The following GCSAML variants were observed in gnomAD, a reference collection of about 807,000 sequenced individuals.
GCSAML encodes the protein germinal center associated signaling and motility like.
In GCSAML, 9 loss-of-function variants were observed where a neutral mutation model predicts 13.0. The ratio of observed to expected loss-of-function variants is 0.69; its 90% CI spans 0.42 to 1.21. The LOEUF (loss-of-function observed/expected upper bound fraction) is 1.21, where lower values mean the gene tolerates loss of function less well. GCSAML is among the 50% of genes most tolerant of loss of function. The probability of loss-of-function intolerance (pLI) is 0.00; values close to 1 mark genes in which losing one functional copy is unlikely to be tolerated. For synonymous variants in GCSAML, 37 were observed against 52.9 expected (o/e 0.70, Z 1.31); for missense variants, 143 against 153.4 (o/e 0.93, Z 0.36).
At chr1:247,564,886 A>G (rs1472094207) in intron 3 of GCSAML, among the ~76,000 whole-genome samples, 1 of 152,210 alleles carries the variant, frequency 6.6e-6, no homozygotes, top group Non-Finnish European at 1.5e-5. Flanking sequence ...TTAAAGACCC[A>G]AACGTAAAAC....
At chr1:247,538,710 G>T in intron 2 of GCSAML, 3 of 455,952 alleles carry the variant, frequency 6.6e-6, no homozygotes, top group South Asian at 4.7e-5. Context: ...CAAGCAGGCA[G>T]ATGGCTGCGA....
At chr1:247,531,753 G>C (rs529863004) in intron 2 of GCSAML, 9 of 1,614,178 alleles carry the variant, frequency 5.6e-6, no homozygotes, top group Non-Finnish European at 6.8e-6. Flanking sequence ...TGATGCTCCC[G>C]TAAAACAGAG....
rs145390988 is a variant in GCSAML, at chr1:247,514,825, G to A, written c.-263+7592G>A. Among the ~76,000 whole-genome samples the A allele has an allele frequency of 2.1e-3, 327 of 152,236 alleles. 1 individual carries two copies. Among genetic ancestry groups the A allele is most frequent in the African/African-American group, 7.6e-3 (315 of 41,538 alleles). ...ATTCTGTTCCATTGGTCAATGTCCC[G>A]ATTTTTTATACCAGTATCATGCTGT... On this transcript the variant is annotated intron_variant, in intron 1 of 5. Coordinates refer to the GCSAML transcript ENST00000366489.
intron 2 of GCSAML, chr1:247,531,891 A>C: frequency 6.2e-7 from 1 of 1,614,210 alleles, no homozygotes; most frequent in Non-Finnish European, 8.5e-7. Context: ...GCAGGACAAC[A>C]AAGACAAAGC....
intron 2 of GCSAML, chr1:247,530,407 A>G (rs1179441873): frequency 6.6e-6 from 1 of 152,080 alleles, no homozygotes; most frequent in Non-Finnish European, 1.5e-5. Flanking sequence ...AAAATGCACA[A>G]TCATAAGAAA....
chr1:247,528,282 T>G (rs1666764410), intron 2 of GCSAML: 1 of 152,054 alleles, frequency 6.6e-6, no homozygotes, highest in African/African-American at 2.4e-5. Context: ...TACACACTTA[T>G]GGGGTGCAGT....
In GCSAML at chr1:247,563,226, T is replaced by C. The variant is rs144946136; in HGVS notation, c.90-364T>C. Among the ~76,000 whole-genome samples the C allele has an allele frequency of 9.0e-3, 1,365 of 152,320 alleles. 18 individuals are homozygous for C. The highest frequency in any genetic ancestry group is 0.031 in the African/African-American group (1,275 of 41,560). ...CCTCTCATTTGTCTTTAAGGATTTA[T>C]ACACCCTCATCAAGAATAGCAGAAA... On this transcript the variant is annotated intron_variant, in intron 2 of 4. Transcript: ENST00000366488.
chr1:247,522,413 T>C (rs1666483743), intron 1 of GCSAML, among the ~76,000 whole-genome samples: 1 of 151,798 alleles, frequency 6.6e-6, no homozygotes, highest in Non-Finnish European at 1.5e-5. Context: ...GTCTGGGAGG[T>C]GTACCCCACA....
intron 3 of GCSAML, among the ~76,000 whole-genome samples, chr1:247,563,889 T>C (rs964870073): frequency 6.6e-6 from 1 of 152,178 alleles, no homozygotes; most frequent in Non-Finnish European, 1.5e-5. Context: ...AATTTGTATA[T>C]TGGTGTTCTA....
intron 1 of GCSAML, among the ~76,000 whole-genome samples, chr1:247,552,299 T>C (rs1667803662): frequency 6.6e-6 from 1 of 152,170 alleles, no homozygotes; most frequent in African/African-American, 2.4e-5. Flanking sequence ...GTAAATGCAT[T>C]CCCAAGGAGT....
At chr1:247,551,228 T>C (rs1213610817) in intron 1 of GCSAML, among the ~76,000 whole-genome samples, 1 of 152,142 alleles carries the variant, frequency 6.6e-6, no homozygotes, top group Admixed American at 6.5e-5. Flanking sequence ...AGGACATGCT[T>C]GAGGAATTGC....
chr1:247,552,097 TG>T (rs1262374939), intron 1 of GCSAML, among the ~76,000 whole-genome samples: 1 of 152,178 alleles, frequency 6.6e-6, no homozygotes, highest in Non-Finnish European at 1.5e-5. Context: ...TCAATCACCT[TG>T]GGGAAGAGGG....
intron 1 of GCSAML, among the ~76,000 whole-genome samples, chr1:247,521,113 ATT>A (rs68098651): frequency 0.17 from 22,955 of 136,710 alleles, 1,673 homozygotes; most frequent in South Asian, 0.25. Context: ...ACATTCTTGC[ATT>A]TTTTTTTTTT....
At chr1:247,532,020 G>C in intron 2 of GCSAML, 1 of 1,614,122 alleles carries the variant, frequency 6.2e-7, no homozygotes, top group Non-Finnish European at 8.5e-7. Flanking sequence ...GTAGGAGCAT[G>C]GTGAGCGTGG....
intron 2 of GCSAML, among the ~76,000 whole-genome samples, chr1:247,557,022 T>C (rs1667979004): frequency 6.6e-6 from 1 of 152,198 alleles, no homozygotes; most frequent in Non-Finnish European, 1.5e-5. Context: ...AGCCTCACTT[T>C]AGGGCATTTC....
intron 2 of GCSAML, among the ~76,000 whole-genome samples, chr1:247,560,495 T>C (rs968894820): frequency 4.6e-5 from 7 of 152,184 alleles, no homozygotes; most frequent in Non-Finnish European, 7.3e-5. Flanking sequence ...TGGTTTTACA[T>C]ACATTTTCCC....
chr1:247,576,277 G>T lies in GCSAML; in HGVS notation c.*1895G>T, dbSNP rs1337684352. The T allele has an allele frequency of 6.6e-6, 1 of 152,216 alleles. No individual in the cohort carries two copies. Among genetic ancestry groups the T allele is most frequent in the Non-Finnish European group, 1.5e-5 (1 of 68,054 alleles). The allele number at this position is 152,216 out of a possible 1,614,324, so 9.4% of individuals were successfully genotyped here. ...TTTCAGATGTTAAGCTGGTGATGCA[G>T]TTCATGCCAGTGATCCGAGTACTTT... On this transcript the variant is annotated 3_prime_UTR_variant, in exon 5 of 5. Transcript: ENST00000366488.
At chr1:247,521,357 C>CA (rs1258456488) in intron 1 of GCSAML, among the ~76,000 whole-genome samples, 3 of 98,308 alleles carry the variant, frequency 3.1e-5, no homozygotes, top group Non-Finnish European at 6.3e-5. Flanking sequence ...TCTCCCTCTC[C>CA]CTCTCCACGG....
At position 247,527,139 on chromosome 1, in the gene GCSAML, T is replaced by C. The variant is rs1026639165; in HGVS notation, c.-148+85T>C. ...GTTAAGCATTTAGGGAGCAGTTGGGTGAGCACATGACCAATCAGCCTGAGC... is the reference window on the plus strand; with the variant it reads ...GTTAAGCATTTAGGGAGCAGTTGGGCGAGCACATGACCAATCAGCCTGAGC... On this transcript the variant is annotated intron_variant, in intron 2 of 5. Transcript: ENST00000366489. The surrounding 1 kb of genome is among the most constrained non-coding windows in gnomAD (Gnocchi z 4.6). The C allele has an allele frequency of 1.3e-5, 6 of 448,148 alleles. No homozygotes were observed. Among genetic ancestry groups the C allele is most frequent in the African/African-American group, 1.2e-4 (6 of 49,904 alleles). The allele number at this position is 448,148 out of a possible 1,614,324, so 27.8% of individuals were successfully genotyped here.
Sources: gnomAD v4.1 joint callset for allele counts (sites outside exome capture counted in the v4.1 genomes callset) on GRCh38, gnomAD v4.1.1 for gene constraint, Gnocchi (gnomAD v3.1) non-coding constraint, MANE v1.5 for transcripts, NCBI Gene and HGNC (gene_info 2026-07-23, HGNC 2026-07-21) for gene names.